Variants in TBL3 observed in about 807,000 individuals in gnomAD.
The protein encoded by TBL3 is transducin beta-like protein 3.
Under a neutral mutation model 102.7 loss-of-function variants are expected in TBL3, and 71 were observed. That is an observed-to-expected ratio of 0.69 (90% confidence interval 0.57 to 0.84). The LOEUF (loss-of-function observed/expected upper bound fraction) is 0.84, where lower values mean the gene tolerates loss of function less well. TBL3 is among the 40% of genes least tolerant of loss of function. TBL3 has a pLI of 0.00. For missense variants in TBL3, 1,188 were observed against 1,098.5 expected, an observed-to-expected ratio of 1.08 and a Z score of -1.15; for synonymous variants, 578 against 477.7, an observed-to-expected ratio of 1.21 and a Z score of -2.74.
chr16:1,975,234 A>G lies in TBL3; in HGVS notation c.683A>G (p.Gln228Arg). The G allele has an allele frequency of 1.2e-6, 2 of 1,613,884 alleles. No individual in the cohort carries two copies. Among genetic ancestry groups the G allele is most frequent in the Non-Finnish European group, 1.7e-6 (2 of 1,180,010 alleles). Residue 228 changes from glutamine (Q) to arginine (R), a missense_variant, in exon 8 of 22, where the codon CAG becomes CGG. Coordinates refer to ENST00000568546, the MANE Select transcript of TBL3 (RefSeq NM_006453.3). ...ICIIWDLQSC[Q>R]ATRTVPVFES... ...ATCATCTGGGACCTTCAGAGCTGCC[A>G]GGCCACGAGGACCGTGCCTGTGTTT...
At position 1,975,729 on chromosome 16, in the gene TBL3, T is replaced by C. The variant is rs775883475; in HGVS notation, c.987+19T>C. ...GAAACAGGTGCACACCTGCCCTTGC[T>C]CAGTCTGGAGGCTGCGGGCACCAGC... On this transcript the variant is annotated intron_variant, in intron 10 of 21. Coordinates refer to ENST00000568546, the MANE Select transcript of TBL3 (RefSeq NM_006453.3). The C allele has an allele frequency of 6.2e-7, 1 of 1,612,596 alleles. No individual in the cohort carries two copies. The highest frequency in any genetic ancestry group is 8.5e-7 in the Non-Finnish European group (1 of 1,179,248).
rs778129829 is a variant in TBL3, at chr16:1,978,438, C to T, written c.2260C>T (p.Arg754Trp). The T allele has an allele frequency of 2.5e-5, 40 of 1,608,694 alleles. No homozygotes were observed. The highest frequency in any genetic ancestry group is 1.7e-4 in the Middle Eastern group (1 of 6,050). Residue 754 changes from arginine (R) to tryptophan (W), a missense_variant, in exon 21 of 22, where the codon CGG becomes TGG. Coordinates refer to ENST00000568546, the MANE Select transcript of TBL3 (RefSeq NM_006453.3). ...GGAGCTGCTGGCCTACGAAGGCGTG[C>T]GGGCAGCGCTTGAGGCCCTGCTGCC... ...PEELLAYEGV[R>W]AALEALLPYT...
In TBL3 at chr16:1,979,707, G is replaced by T; in HGVS notation, c.*1022G>T. Reference sequence around the variant, plus strand: ...GAGACCAAGCACGGGCTCCTGGCCCGCCCTGCCCGCGGTGCTTCTGGCCCA... The same window carrying T: ...GAGACCAAGCACGGGCTCCTGGCCCTCCCTGCCCGCGGTGCTTCTGGCCCA... On this transcript the variant is annotated 3_prime_UTR_variant, in exon 22 of 22. Coordinates refer to ENST00000568546, the MANE Select transcript of TBL3 (RefSeq NM_006453.3). 3 of 1,265,152 alleles carry T rather than the reference G, an allele frequency of 2.4e-6. No individual in the cohort carries two copies. The highest frequency in any genetic ancestry group is 2.4e-5 in the Admixed American group (1 of 40,984). 78.4% of individuals were successfully genotyped at this position (1,265,152 alleles called of 1,614,324 possible).
At chr16:1,975,476 G>A in intron 9 of TBL3, 38 bp downstream of exon 9, 1 of 1,608,062 alleles carries the variant, frequency 6.2e-7, no homozygotes, top group South Asian at 1.1e-5. Context: ...GGTAGGGGCT[G>A]GGGAAGGCCT....
chr16:1,974,191 C>A lies in TBL3; in HGVS notation c.94-6C>A, dbSNP rs771571821. 1 of 1,576,896 alleles carries A rather than the reference C, an allele frequency of 6.3e-7. No individual in the cohort carries two copies. The highest frequency in any genetic ancestry group is 8.6e-7 in the Non-Finnish European group (1 of 1,158,912). On this transcript the variant is annotated splice_region_variant and splice_polypyrimidine_tract_variant and intron_variant, in intron 2 of 21. Transcript: ENST00000568546. ...TGTTGCCTGGCTGAGACCTCTCTGT[C>A]CCCAGCTGGACCAGACTGGCCAGCA... is the stretch of plus-strand genomic sequence containing the variant.
At position 1,975,553 on chromosome 16, in the gene TBL3, C is replaced by G; in HGVS notation, c.830C>G (p.Ala277Gly). The change falls in exon 10 of 22, where the codon GCT becomes GGT. Residue 277 changes from alanine to glycine, a missense_variant. Transcript: ENST00000568546. ...DQGTLRVWEA[A>G]SGQCVYTQAQ... The stretch of plus-strand genomic sequence containing the variant: ...GGCACTCTGCGCGTGTGGGAGGCAG[C>G]TTCTGGGCAGTGTGTGTACACGCAG... 1 of 1,597,992 alleles carries G rather than the reference C, an allele frequency of 6.3e-7. No individual in the cohort carries two copies. Among genetic ancestry groups the G allele is most frequent in the Non-Finnish European group, 8.5e-7 (1 of 1,177,718 alleles).
Position 1,977,590 on chromosome 16 carries a change from A to G in TBL3, c.1819A>G (p.Lys607Glu). Residue 607 changes from lysine (K) to glutamate (E), a missense_variant, in exon 17 of 22, where the codon AAG (lysine) becomes GAG (glutamate). Coordinates refer to ENST00000568546, the MANE Select transcript of TBL3 (RefSeq NM_006453.3). The part of the protein sequence containing the change: ...CVRTLDAHED[K>E]VWGLHCSRLD... ...GCGGACGCTGGATGCCCACGAGGAC[A>G]AGGTCTGGGGGCTGCACTGCAGCCG... 1 of 1,574,100 alleles carries G rather than the reference A, an allele frequency of 6.4e-7. No homozygotes were observed. Among genetic ancestry groups the G allele is most frequent in the Non-Finnish European group, 8.6e-7 (1 of 1,158,754 alleles).
In TBL3 at chr16:1,980,419, C is replaced by T; in HGVS notation, c.*1734C>T. 1 of 1,602,866 alleles carries T rather than the reference C, an allele frequency of 6.2e-7. No homozygotes were observed. The highest frequency in any genetic ancestry group is 8.5e-7 in the Non-Finnish European group (1 of 1,179,840). ...TCCAGGGGTTGCGGTGCGAAGAAGC[C>T]AGTGATCGTCGGGCTCCGTGCCACG... On this transcript the variant is annotated 3_prime_UTR_variant, in exon 22 of 22. Coordinates refer to ENST00000568546, the MANE Select transcript of TBL3 (RefSeq NM_006453.3).
rs1013035617 is a variant in TBL3, at chr16:1,980,881, G to T, written c.*2196G>T. On this transcript the variant is annotated 3_prime_UTR_variant, in exon 22 of 22. Transcript: ENST00000568546. ...TCACTGATGGGAGGCAGTCCAGTGG[G>T]AGGCAGCCGCGTGGGGAAGCCGCCA... 13 of 1,525,382 alleles carry T rather than the reference G, an allele frequency of 8.5e-6. No individual in the cohort carries two copies. In the African/African-American group the frequency reaches 1.8e-4, roughly 21 times the overall value. 94.5% of individuals were successfully genotyped at this position (1,525,382 alleles called of 1,614,324 possible).
In TBL3 at chr16:1,978,066, G is replaced by C; in HGVS notation, c.2062+5G>C. ...CCGTGCTGACTGTCATCCAGGGTCAGTGCCCACCCCGGGGGGCGAGGGGCT... is the reference window on the plus strand; with the variant it reads ...CCGTGCTGACTGTCATCCAGGGTCACTGCCCACCCCGGGGGGCGAGGGGCT... On this transcript the variant is annotated splice_donor_5th_base_variant and intron_variant, in intron 19 of 21. Coordinates refer to ENST00000568546, the MANE Select transcript of TBL3 (RefSeq NM_006453.3). 6.2e-7 allele frequency: 1 copy of C among 1,604,634 alleles called. No individual in the cohort carries two copies. The highest frequency in any genetic ancestry group is 8.5e-7 in the Non-Finnish European group (1 of 1,174,922).
At position 1,977,349 on chromosome 16, in the gene TBL3, C is replaced by T. The variant is rs1221837183; in HGVS notation, c.1672-7C>T. On this transcript the variant is annotated splice_polypyrimidine_tract_variant and splice_region_variant and intron_variant, in intron 15 of 21. Transcript: ENST00000568546. ...TGACATCTCATGCCCTACCCCCCAC[C>T]TTGCAGACATTTGAGGGGCACGATG... 1.2e-6 allele frequency: 2 copies of T among 1,613,486 alleles called. No homozygotes were observed. The highest frequency in any genetic ancestry group is 2.7e-5 in the African/African-American group (2 of 75,018).
At chr16:1,972,704 G>A (rs116277930) in intron 1 of TBL3, among the ~76,000 whole-genome samples, 6,722 of 152,280 alleles carry the variant, frequency 0.044, 235 homozygotes, top group African/African-American at 0.088. Context: ...CAGTGCTGGT[G>A]CCCCCGCCCT....
chr16:1,981,071 C>CT lies in TBL3; in HGVS notation c.*2388dup, dbSNP rs1567332536. 3 of 1,611,336 alleles carry CT rather than the reference C, an allele frequency of 1.9e-6. No individual in the cohort carries two copies. The highest frequency in any genetic ancestry group is 2.5e-6 in the Non-Finnish European group (3 of 1,178,114). On this transcript the variant is annotated 3_prime_UTR_variant, in exon 22 of 22. Transcript: ENST00000568546. ...GTGGAGGTGCTGGTCCAGGCACCCCCTTCCTATCCCTTGGGGCCACTAAGG... is the reference window on the plus strand; with the variant it reads ...GTGGAGGTGCTGGTCCAGGCACCCCCTTTCCTATCCCTTGGGGCCACTAAGG...
rs2083404550 is a variant in TBL3, at chr16:1,976,712, C to T, written c.1293-102C>T. On this transcript the variant is annotated intron_variant, in intron 13 of 21. Transcript: ENST00000568546. Reference sequence around the variant, plus strand: ...GCCAACCCGCATCCTGGGACAGGCCCCGTGGTCTGGACCGTGGGCTCCCAG... The same window carrying T: ...GCCAACCCGCATCCTGGGACAGGCCTCGTGGTCTGGACCGTGGGCTCCCAG... 2.1e-6 allele frequency: 3 copies of T among 1,443,314 alleles called. No individual in the cohort carries two copies. In the South Asian group the frequency reaches 3.7e-5, roughly 18 times the overall value. 89.4% of individuals were successfully genotyped at this position (1,443,314 alleles called of 1,614,324 possible). A position where few individuals can be genotyped will look rare whatever the true frequency, so the allele number is the denominator to read the frequency against.
rs780842249 is a variant in TBL3 at position 1,975,277 on chromosome 16, A to T, written c.711+15A>T. 1 of 1,613,800 alleles carries T rather than the reference A, an allele frequency of 6.2e-7. No individual in the cohort carries two copies. Among genetic ancestry groups the T allele is most frequent in the Non-Finnish European group, 8.5e-7 (1 of 1,180,010 alleles). On this transcript the variant is annotated intron_variant, in intron 8 of 21. Coordinates refer to ENST00000568546, the MANE Select transcript of TBL3 (RefSeq NM_006453.3). ...CTGTGTTTGAGGTGGGGATGCCTGGAGGCCAGGGCTGGTTGAGTTGGGTGG... is the reference window on the plus strand; with the variant it reads ...CTGTGTTTGAGGTGGGGATGCCTGGTGGCCAGGGCTGGTTGAGTTGGGTGG...
At position 1,977,063 on chromosome 16, in the gene TBL3, A is replaced by G; in HGVS notation, c.1450A>G (p.Ser484Gly). The change falls in exon 15 of 22, where the codon AGC (serine) becomes GGC (glycine). Residue 484 changes from serine to glycine, a missense_variant. Physicochemically the swap from Ser to Gly is moderately conservative, Grantham distance 56 (BLOSUM62 0). Coordinates refer to ENST00000568546, the MANE Select transcript of TBL3 (RefSeq NM_006453.3). ...TQRCHDKDIN[S>G]VAIAPNDKLL... ...CTTCTCCCATTGCCAGGACATCAACAGCGTGGCTATTGCCCCCAACGACAA... is the reference window on the plus strand; with the variant it reads ...CTTCTCCCATTGCCAGGACATCAACGGCGTGGCTATTGCCCCCAACGACAA... The G allele has an allele frequency of 6.2e-7, 1 of 1,613,298 alleles. No individual in the cohort carries two copies. Among genetic ancestry groups the G allele is most frequent in the South Asian group, 1.1e-5 (1 of 91,076 alleles).
chr16:1,981,252 C>G lies in TBL3; in HGVS notation c.*2567C>G. 1 of 1,594,974 alleles carries G rather than the reference C, an allele frequency of 6.3e-7. No homozygotes were observed. The highest frequency in any genetic ancestry group is 1.3e-5 in the African/African-American group (1 of 74,332). ...CTGCCTCCCCGTGCTTGAGAGGGCT[C>G]TGGGGGACCCAGAAAACCCCCTGGG... On this transcript the variant is annotated 3_prime_UTR_variant, in exon 22 of 22. Transcript: ENST00000568546.
At position 1,972,108 on chromosome 16, in the gene TBL3, G is replaced by C; in HGVS notation, c.-57G>C. ...AGAGTTCGGTGCTAACCTCCCTCAC[G>C]CGGCGGTGGCTGCCGGGACCCTAGC... On this transcript the variant is annotated 5_prime_UTR_variant, in exon 1 of 22. Coordinates refer to ENST00000568546, the MANE Select transcript of TBL3 (RefSeq NM_006453.3). The C allele has an allele frequency of 4.8e-6, 7 of 1,464,124 alleles. No individual in the cohort carries two copies. The highest frequency in any genetic ancestry group is 6.3e-6 in the Non-Finnish European group (7 of 1,105,908). The allele number at this position is 1,464,124 out of a possible 1,614,324, so 90.7% of individuals were successfully genotyped here. A position where few individuals can be genotyped will look rare whatever the true frequency, so the allele number is the denominator to read the frequency against.
rs77402400 is a variant in TBL3, at chr16:1,974,306, G to C, written c.189+14G>C. Reference sequence around the variant, plus strand: ...AGTCTGGAGCAGGTGAGGGCAGCCTGGGTGGGTGAGGGGCAAGTGGAGAGG... The same window carrying C: ...AGTCTGGAGCAGGTGAGGGCAGCCTCGGTGGGTGAGGGGCAAGTGGAGAGG... On this transcript the variant is annotated intron_variant, in intron 3 of 21. Transcript: ENST00000568546. The C allele has an allele frequency of 1.8e-3, 2,927 of 1,584,106 alleles. 44 individuals are homozygous for C. In the African/African-American group the frequency reaches 0.032, roughly 18 times the overall value.
Sources: allele counts gnomAD v4.1 joint callset (sites outside exome capture counted in the v4.1 genomes callset), GRCh38; gene constraint gnomAD v4.1.1; transcripts MANE v1.5; gene names NCBI Gene and HGNC (gene_info 2026-07-23, HGNC 2026-07-21).